The following PDE7B variants were observed in gnomAD, a reference collection of about 807,000 sequenced individuals.
The protein encoded by PDE7B is phosphodiesterase 7B.
Under a neutral mutation model 56.2 loss-of-function variants are expected in PDE7B, and 29 were observed. That is an observed-to-expected ratio of 0.52 (90% CI 0.38 to 0.70). The LOEUF (loss-of-function observed/expected upper bound fraction) is 0.70. Among genes scored for constraint, PDE7B ranks in the 30% least tolerant of loss-of-function variants. The pLI, the probability that PDE7B is intolerant of heterozygous loss-of-function variation, is 0.00. For synonymous variants in PDE7B, 197 were observed against 196.9 expected (o/e 1.00, Z 0.00); for missense variants, 490 against 565.0 (o/e 0.87, Z 1.35).
At chr6:135,998,053 A>C (rs1419249162) in intron 2 of PDE7B, among the ~76,000 whole-genome samples, 1 of 152,218 alleles carries the variant, frequency 6.6e-6, no homozygotes, top group Non-Finnish European at 1.5e-5. Context: ...GTATTGATAG[A>C]ATATGGCCAT....
intron 2 of PDE7B, among the ~76,000 whole-genome samples, chr6:136,018,192 T>G (rs1776011198): frequency 6.6e-6 from 1 of 152,186 alleles, no homozygotes; most frequent in African/African-American, 2.4e-5. Context: ...ATGGAACGAT[T>G]GGCAGGATCG....
intron 2 of PDE7B, among the ~76,000 whole-genome samples, chr6:136,075,521 T>C (rs564134882): frequency 1.3e-5 from 2 of 152,318 alleles, no homozygotes; most frequent in South Asian, 4.1e-4. Context: ...AGCTGTCCCA[T>C]TGTCTACCTC....
chr6:136,138,346 A>T (rs142501524), intron 3 of PDE7B, among the ~76,000 whole-genome samples: 47 of 152,168 alleles, frequency 3.1e-4, no homozygotes, highest in African/African-American at 1.0e-3. Flanking sequence ...TACTTCAAAA[A>T]CCAGGACCTT....
intron 2 of PDE7B, among the ~76,000 whole-genome samples, chr6:135,976,437 T>C (rs1775189202): frequency 6.6e-6 from 1 of 152,020 alleles, no homozygotes; most frequent in Non-Finnish European, 1.5e-5. Context: ...CACCTCTACC[T>C]GGGGAAGGGC....
intron 1 of PDE7B, among the ~76,000 whole-genome samples, chr6:135,926,247 C>G (rs982621824): frequency 1.3e-5 from 2 of 151,766 alleles, no homozygotes. Context: ...CCACCACGCC[C>G]AGCTAATTTT....
intron 12 of PDE7B, among the ~76,000 whole-genome samples, chr6:136,187,969 C>T (rs947091351): frequency 6.6e-6 from 1 of 152,176 alleles, no homozygotes; most frequent in African/African-American, 2.4e-5. Context: ...TGTTTTATAC[C>T]TGTTCCTATA....
At chr6:135,863,669 A>G (rs1775194903) in intron 1 of PDE7B, among the ~76,000 whole-genome samples, 1 of 150,964 alleles carries the variant, frequency 6.6e-6, no homozygotes, top group South Asian at 2.1e-4. Context: ...TTGAAATTTT[A>G]CCATAGTAAA....
rs919150256 is a variant in PDE7B at position 136,113,134 on chromosome 6, T to C, written c.166+4320T>C. 2.6e-5 allele frequency among the ~76,000 whole-genome samples: 4 copies of C among 152,342 alleles called. No homozygotes were observed. The East Asian group carries it at 7.7e-4, about 29-fold the overall frequency. ...TAACAAACGTATATTTGAAAATTGC[T>C]AACAGAGTAGGTTTTAAATGATCTC... On this transcript the variant is annotated intron_variant, in intron 3 of 12. Coordinates refer to ENST00000308191, the MANE Select transcript of PDE7B (RefSeq NM_018945.4).
At chr6:136,111,512 G>A (rs547914362) in intron 3 of PDE7B, among the ~76,000 whole-genome samples, 13 of 152,224 alleles carry the variant, frequency 8.5e-5, no homozygotes, top group African/African-American at 3.1e-4. Flanking sequence ...GCCCTCCACG[G>A]TTCCTAACTT....
At chr6:136,024,887 T>C (rs948374866) in intron 2 of PDE7B, among the ~76,000 whole-genome samples, 3 of 152,162 alleles carry the variant, frequency 2.0e-5, no homozygotes, top group African/African-American at 7.2e-5. Flanking sequence ...ATAAGAAAGT[T>C]GCAACAACTG....
rs190068710 is a variant in PDE7B at position 136,143,545 on chromosome 6, A to T, written c.167-3806A>T. On this transcript the variant is annotated intron_variant, in intron 3 of 12. Coordinates refer to ENST00000308191, the MANE Select transcript of PDE7B (RefSeq NM_018945.4). The stretch of plus-strand genomic sequence containing the variant: ...TGAGAAACAATATATCAAAAATTTA[A>T]ATAAAGATCCAAAGAGGTCTGCATT... Among the ~76,000 whole-genome samples the T allele has an allele frequency of 1.3e-3, 198 of 152,208 alleles. 1 individual carries two copies. The highest frequency in any genetic ancestry group is 4.5e-3 in the African/African-American group (188 of 41,550).
chr6:135,892,914 T>A (rs1775833785), intron 1 of PDE7B, among the ~76,000 whole-genome samples: 1 of 152,176 alleles, frequency 6.6e-6, no homozygotes, highest in Non-Finnish European at 1.5e-5. Flanking sequence ...CTGTTGAACT[T>A]ATGCTCCAGA....
chr6:135,869,016 C>T (rs1273914907), intron 1 of PDE7B, among the ~76,000 whole-genome samples: 2 of 152,048 alleles, frequency 1.3e-5, no homozygotes, highest in African/African-American at 2.4e-5. Flanking sequence ...AAATGATCAT[C>T]TTTTGGCCAA....
intron 2 of PDE7B, chr6:136,034,438 A>G (rs1776292592): frequency 6.6e-6 from 1 of 152,236 alleles, no homozygotes; most frequent in African/African-American, 2.4e-5. Context: ...TGGAAGAAGG[A>G]GCCAATGCAA....
chr6:136,047,368 G>T (rs752569495), intron 2 of PDE7B: 15 of 152,188 alleles, frequency 9.9e-5, no homozygotes, highest in Non-Finnish European at 1.5e-4. Flanking sequence ...AATTGGAATT[G>T]TGGTCCTAAT....
At chr6:136,033,242 C>G (rs749235568) in intron 2 of PDE7B, among the ~76,000 whole-genome samples, 1 of 152,198 alleles carries the variant, frequency 6.6e-6, no homozygotes, top group South Asian at 2.1e-4. Context: ...TGTTCTCAAC[C>G]TTTTGTCTCA....
chr6:136,026,471 TG>T (rs1172658794), intron 2 of PDE7B, among the ~76,000 whole-genome samples: 1 of 152,200 alleles, frequency 6.6e-6, no homozygotes, highest in African/African-American at 2.4e-5. Context: ...AAAAAGGTGC[TG>T]GGGTGTGGTA....
At chr6:136,065,691 A>C (rs1482242061) in intron 2 of PDE7B, among the ~76,000 whole-genome samples, 1 of 152,216 alleles carries the variant, frequency 6.6e-6, no homozygotes, top group African/African-American at 2.4e-5. Context: ...AATTAATATT[A>C]AATTATAGAG....
intron 1 of PDE7B, among the ~76,000 whole-genome samples, chr6:135,872,901 CTTTA>C (rs1441750616): frequency 2.0e-5 from 3 of 152,030 alleles, no homozygotes; most frequent in African/African-American, 7.2e-5. Context: ...AGTGAATGTG[CTTTA>C]TTTCTCATTT....
Sources: allele counts gnomAD v4.1 joint callset (sites outside exome capture counted in the v4.1 genomes callset), GRCh38; gene constraint gnomAD v4.1.1; transcripts MANE v1.5; gene names NCBI Gene and HGNC (gene_info 2026-07-23, HGNC 2026-07-21).